Variants in TYR observed in about 807,000 individuals in gnomAD.
The protein encoded by TYR is LB24-AB.
Under a neutral mutation model 51.5 loss-of-function variants are expected in TYR, and 58 were observed. The observed-to-expected ratio is 1.13, with a 90% CI of 0.91 to 1.40. The LOEUF (loss-of-function observed/expected upper bound fraction) is 1.40. TYR is among the 40% of genes most tolerant of loss of function. The pLI, the probability that TYR is intolerant of heterozygous loss-of-function variation, is 0.00. For synonymous variants in TYR, 263 were observed against 235.2 expected, an observed-to-expected ratio of 1.12 and a Z score of -1.08; for missense variants, 732 against 647.4, an observed-to-expected ratio of 1.13 and a Z score of -1.42.
intron 4 of TYR, among the ~76,000 whole-genome samples, chr11:89,288,088 T>C (rs1044436201): frequency 6.6e-6 from 1 of 151,870 alleles, no homozygotes; most frequent in Non-Finnish European, 1.5e-5. Context: ...TACAGTGAAA[T>C]GAAGTTATAT....
At chr11:89,272,165 T>C (rs1340190651) in intron 3 of TYR, among the ~76,000 whole-genome samples, 1 of 151,962 alleles carries the variant, frequency 6.6e-6, no homozygotes, top group African/African-American at 2.4e-5. Flanking sequence ...CAAAAGGTTT[T>C]CTATTCATTT....
At chr11:89,191,064 T>G in intron 1 of TYR, 138 bp from the exon 2 acceptor site, 1 of 753,346 alleles carries the variant, frequency 1.3e-6, no homozygotes, top group Non-Finnish European at 2.3e-6. Context: ...AACATATCCC[T>G]GTCATTAAAG....
chr11:89,243,857 A>C (rs1417420221), intron 3 of TYR, among the ~76,000 whole-genome samples: 2 of 152,222 alleles, frequency 1.3e-5, no homozygotes, highest in African/African-American at 4.8e-5. Flanking sequence ...GTTTTAAAAT[A>C]TTTATTATTT....
intron 2 of TYR, among the ~76,000 whole-genome samples, chr11:89,212,585 T>C (rs894945077): frequency 1.3e-5 from 2 of 152,188 alleles, no homozygotes; most frequent in Non-Finnish European, 2.9e-5. Flanking sequence ...TAATTCATTT[T>C]ATGAGGCCAG....
intron 2 of TYR, among the ~76,000 whole-genome samples, chr11:89,214,358 C>A (rs1019278958): frequency 6.6e-6 from 1 of 152,040 alleles, no homozygotes; most frequent in East Asian, 1.9e-4. Flanking sequence ...GTTAGAATGG[C>A]GATCATTAAA....
rs1345925087 is a variant in TYR at position 89,177,908 on chromosome 11, C to T, written c.-46C>T. 6.3e-7 allele frequency: 1 copy of T among 1,592,490 alleles called. No individual in the cohort carries two copies. The highest frequency in any genetic ancestry group is 8.6e-7 in the Non-Finnish European group (1 of 1,162,500). ...AGTAGCTGGAAAGAGAAATCTGTGA[C>T]TCCAATTAGCCAGTTCCTGCAGACC... is the stretch of plus-strand genomic sequence containing the variant. On this transcript the variant is annotated 5_prime_UTR_variant, in exon 1 of 5. Coordinates refer to ENST00000263321, the MANE Select transcript of TYR (RefSeq NM_000372.5).
Position 89,178,361 on chromosome 11 carries a change from C to T in TYR, c.408C>T (p.Ala136=), listed in dbSNP as rs1467671721. The part of the protein sequence containing the change: ...LSAPEKDKFF[A]YLTLAKHTIS... ...CCCCAGAGAAGGACAAATTTTTTGC[C>T]TACCTCACTTTAGCAAAGCATACCA... is the stretch of plus-strand genomic sequence containing the variant. The change falls in exon 1 of 5, where the codon GCC becomes GCT. Residue 136 remains alanine, a synonymous_variant. Transcript: ENST00000263321. 1 of 1,614,136 alleles carries T rather than the reference C, an allele frequency of 6.2e-7. No individual in the cohort carries two copies. The highest frequency in any genetic ancestry group is 8.5e-7 in the Non-Finnish European group (1 of 1,180,026).
intron 3 of TYR, among the ~76,000 whole-genome samples, chr11:89,279,217 A>G (rs1441630620): frequency 6.6e-6 from 1 of 151,738 alleles, no homozygotes; most frequent in Non-Finnish European, 1.5e-5. Context: ...CCCCAAGATC[A>G]TAAAAACTAG....
intron 3 of TYR, among the ~76,000 whole-genome samples, chr11:89,276,596 C>T (rs1461922133): frequency 6.6e-6 from 1 of 151,532 alleles, no homozygotes; most frequent in Non-Finnish European, 1.5e-5. Context: ...GTATTCATTG[C>T]TGCTTCTTGA....
At chr11:89,256,234 G>T (rs1180706290) in intron 3 of TYR, among the ~76,000 whole-genome samples, 2 of 151,810 alleles carry the variant, frequency 1.3e-5, no homozygotes, top group Non-Finnish European at 3.0e-5. Context: ...AGAGCAACTT[G>T]GATGTGTGAA....
chr11:89,201,981 C>T (rs934174799), intron 2 of TYR, among the ~76,000 whole-genome samples: 1 of 152,030 alleles, frequency 6.6e-6, no homozygotes, highest in Non-Finnish European at 1.5e-5. Context: ...TGGCTAACAA[C>T]GTACATTATC....
intron 3 of TYR, among the ~76,000 whole-genome samples, chr11:89,250,542 T>C (rs569580937): frequency 2.0e-4 from 31 of 152,046 alleles, no homozygotes; most frequent in African/African-American, 7.5e-4. Flanking sequence ...ACTAGGTGGC[T>C]TAAAAAACAT....
chr11:89,281,841 T>G, intron 3 of TYR, among the ~76,000 whole-genome samples: 1 of 151,820 alleles, frequency 6.6e-6, no homozygotes, highest in East Asian at 1.9e-4. Context: ...TACATTTTTC[T>G]AATTTTTCTG....
At chr11:89,273,747 TA>T (rs1346549198) in intron 3 of TYR, among the ~76,000 whole-genome samples, 2 of 151,842 alleles carry the variant, frequency 1.3e-5, no homozygotes, top group Non-Finnish European at 2.9e-5. Context: ...TTAAACAACA[TA>T]ATTTTTTTTT....
intron 1 of TYR, among the ~76,000 whole-genome samples, chr11:89,184,852 T>G (rs1242042880): frequency 2.6e-5 from 4 of 152,174 alleles, no homozygotes. Flanking sequence ...TTAAGTTATG[T>G]CTTAGTGACC....
At chr11:89,274,517 T>A (rs1399011792) in intron 3 of TYR, among the ~76,000 whole-genome samples, 1 of 151,902 alleles carries the variant, frequency 6.6e-6, no homozygotes, top group Non-Finnish European at 1.5e-5. Flanking sequence ...CCTCACTGCA[T>A]GTTAAGTACT....
chr11:89,279,199 T>C (rs1159845795), intron 3 of TYR, among the ~76,000 whole-genome samples: 1 of 151,598 alleles, frequency 6.6e-6, no homozygotes, highest in African/African-American at 2.4e-5. Context: ...GAAACTAGAC[T>C]CCCTCTTCCC....
At chr11:89,210,522 G>T (rs985376615) in intron 2 of TYR, among the ~76,000 whole-genome samples, 4 of 152,062 alleles carry the variant, frequency 2.6e-5, no homozygotes, top group African/African-American at 9.7e-5. Context: ...TGACGAGAAT[G>T]ACCAAGTTAC....
intron 2 of TYR, among the ~76,000 whole-genome samples, chr11:89,210,194 C>G (rs1198295601): frequency 6.6e-6 from 1 of 152,036 alleles, no homozygotes; most frequent in East Asian, 1.9e-4. Context: ...GATGTTTAAA[C>G]CCATCGCAAG....
Sources: allele counts gnomAD v4.1 joint callset (sites outside exome capture counted in the v4.1 genomes callset), GRCh38; gene constraint gnomAD v4.1.1; transcripts MANE v1.5; gene names NCBI Gene and HGNC (gene_info 2026-07-23, HGNC 2026-07-21).